MROH2A: variants seen among roughly 807,000 people sequenced by gnomAD.
MROH2A encodes maestro heat like repeat family member 2A, also known as maestro heat-like repeat-containing protein family member 2A.
In MROH2A, 174 loss-of-function variants were observed where a neutral mutation model predicts 200.4. That is an observed-to-expected ratio of 0.87 (90% CI 0.77 to 0.98). The LOEUF is 0.98. Ranked by LOEUF, MROH2A falls within the 50% of genes least tolerant of loss-of-function variation. The probability of loss-of-function intolerance (pLI) is 0.00; values close to 1 mark genes in which losing one functional copy is unlikely to be tolerated. For synonymous variants in MROH2A, 829 were observed against 840.4 expected (o/e 0.99, Z 0.23); for missense variants, 2,045 against 2,139.6 (o/e 0.96, Z 0.87).
At chr2:233,814,195 T>C (rs551280713) in intron 25 of MROH2A, among the ~76,000 whole-genome samples, 1 of 152,252 alleles carries the variant, frequency 6.6e-6, no homozygotes, top group East Asian at 1.9e-4. Context: ...TTGCCCTCCT[T>C]CTATTGGCTG....
rs1281081880 is a variant in MROH2A, at chr2:233,832,685, C to T, written c.4903+41C>T. On this transcript the variant is annotated intron_variant, in intron 41 of 41. Coordinates refer to ENST00000389758, the MANE Select transcript of MROH2A (RefSeq NM_001394639.1). The stretch of plus-strand genomic sequence containing the variant: ...TGTTAGATGTTGAGTCCACGACTCA[C>T]CAACTCACTAGGGGAGCTTAGAGAA... 55 of 1,386,470 alleles carry T rather than the reference C, an allele frequency of 4.0e-5. No individual in the cohort carries two copies. In the East Asian group the frequency reaches 1.3e-3, roughly 34 times the overall value. 85.9% of individuals were successfully genotyped at this position (1,386,470 alleles called of 1,614,324 possible). A position where few individuals can be genotyped will look rare whatever the true frequency, so the allele number is the denominator to read the frequency against.
In MROH2A at chr2:233,793,735, C is replaced by T. The variant is rs532075207; in HGVS notation, c.733C>T (p.Pro245Ser). The T allele has an allele frequency of 2.0e-6, 3 of 1,495,720 alleles. No individual in the cohort carries two copies. Among genetic ancestry groups the T allele is most frequent in the South Asian group, 2.7e-5 (2 of 74,864 alleles). 92.7% of individuals were successfully genotyped at this position (1,495,720 alleles called of 1,614,324 possible). ...GAAGCACCTGGAGGAGAGCGTGTAC[C>T]CCGTGATGACTGAGGAGGAGTTTGC... The part of the protein sequence containing the change: ...YLKHLEESVY[P>S]VMTEEEFALK... Residue 245 changes from proline to serine, a missense_variant, in exon 7 of 42, where the codon CCC becomes TCC. Physicochemically the swap from Pro to Ser is moderately conservative, Grantham distance 74. This residue lies in a region of MROH2A where 831 missense variants were observed against 800.0 expected (regional missense o/e 1.04). Transcript: ENST00000389758.
chr2:233,791,745 C>G (rs1701776557), intron 5 of MROH2A, among the ~76,000 whole-genome samples: 1 of 152,036 alleles, frequency 6.6e-6, no homozygotes, highest in South Asian at 2.1e-4. Flanking sequence ...GGTGCAGGCC[C>G]CCGTGATGCC....
chr2:233,786,694 C>A (rs537065528), intron 3 of MROH2A, among the ~76,000 whole-genome samples: 2 of 152,186 alleles, frequency 1.3e-5, no homozygotes, highest in South Asian at 4.2e-4. Context: ...CAGCAAGGAC[C>A]CAGGTGCCAA....
rs1198283344 is a variant in MROH2A at position 233,823,682 on chromosome 2, G to A, written c.4113+18G>A. On this transcript the variant is annotated intron_variant, in intron 35 of 41. Coordinates refer to ENST00000389758, the MANE Select transcript of MROH2A (RefSeq NM_001394639.1). ...CGGTCTGCGTGGAAATGAGGCACCG[G>A]GTGTGGGCGGGGTGCAAGCGGAGGG... 2.6e-6 allele frequency: 4 copies of A among 1,547,200 alleles called. No homozygotes were observed. The highest frequency in any genetic ancestry group is 1.4e-5 in the African/African-American group (1 of 73,012).
intron 35 of MROH2A, among the ~76,000 whole-genome samples, chr2:233,824,608 C>T (rs1704180777): frequency 6.6e-6 from 1 of 152,262 alleles, no homozygotes; most frequent in Non-Finnish European, 1.5e-5. Context: ...AGCCTCCGCT[C>T]AGTTGCTGAT....
At chr2:233,830,419 T>C in intron 38 of MROH2A, among the ~76,000 whole-genome samples, 1 of 152,022 alleles carries the variant, frequency 6.6e-6, no homozygotes, top group East Asian at 1.9e-4. Context: ...AGGTGGCTGA[T>C]TTGGGGAGGT....
chr2:233,792,739 TTC>T, intron 5 of MROH2A, 55 bp from the exon 6 acceptor site: 1 of 1,136,974 alleles, frequency 8.8e-7, no homozygotes. Context: ...CCTCTCTGCC[TTC>T]TCTCTGCTCA....
chr2:233,802,406 C>A, intron 15 of MROH2A, 91 bp downstream of exon 15: 1 of 1,365,794 alleles, frequency 7.3e-7, no homozygotes, highest in Non-Finnish European at 9.9e-7. Context: ...TTCCTCCCAC[C>A]CTCATTCCCC....
At chr2:233,792,082 T>C (rs1407531904) in intron 5 of MROH2A, among the ~76,000 whole-genome samples, 1 of 152,134 alleles carries the variant, frequency 6.6e-6, no homozygotes, top group Non-Finnish European at 1.5e-5. Context: ...CCTGCTTCTG[T>C]GTTCGCCCAA....
intron 38 of MROH2A, 50 bp from the exon 39 acceptor site, chr2:233,831,359 G>A (rs1378470789): frequency 1.3e-6 from 2 of 1,505,462 alleles, no homozygotes; most frequent in East Asian, 5.1e-5. Context: ...CCCCTCTGGG[G>A]AACCACGTGG....
In MROH2A at chr2:233,829,686, T is replaced by C. The variant is rs772890569; in HGVS notation, c.4513T>C (p.Ser1505Pro). The change falls in exon 38 of 42, where the codon TCC becomes CCC. Residue 1505 changes from serine (S) to proline (P), a missense_variant. Transcript: ENST00000389758. ...FGKLARVVGM[S>P]KKHFFKGEVK... ...AAAGCTGGCAAGGGTGGTCGGGATG[T>C]CCAAGAAGCATTTCTTCAAAGGGGA... 35 of 1,494,642 alleles carry C rather than the reference T, an allele frequency of 2.3e-5. No homozygotes were observed. The African/African-American group carries it at 4.6e-4, about 20-fold the overall frequency. 92.6% of individuals were successfully genotyped at this position (1,494,642 alleles called of 1,614,324 possible). A position where few individuals can be genotyped will look rare whatever the true frequency, so the allele number is the denominator to read the frequency against.
At chr2:233,832,522 G>T in intron 40 of MROH2A, 57 bp from the exon 41 acceptor site, 1 of 1,316,344 alleles carries the variant, frequency 7.6e-7, no homozygotes, top group South Asian at 1.3e-5. Flanking sequence ...ACCACAGGAC[G>T]ACTTGCCTGC....
chr2:233,832,280 G>A lies in MROH2A; in HGVS notation c.4837+1G>A, dbSNP rs1704815594. The stretch of plus-strand genomic sequence containing the variant: ...AGAATCGCTGCTTGCAACTTGGCAG[G>A]TGAGCAGAGAGACGTCTCCTGACTC... On this transcript the variant is annotated splice_donor_variant, in intron 40 of 41. Coordinates refer to ENST00000389758, the MANE Select transcript of MROH2A (RefSeq NM_001394639.1). LOFTEE classifies it high-confidence loss of function. The A allele has an allele frequency of 2.6e-6, 4 of 1,550,392 alleles. No individual in the cohort carries two copies. Among genetic ancestry groups the A allele is most frequent in the East Asian group, 4.9e-5 (2 of 40,926 alleles).
At position 233,818,697 on chromosome 2, in the gene MROH2A, T is replaced by G; in HGVS notation, c.3131T>G (p.Leu1044Arg). The G allele has an allele frequency of 6.5e-7, 1 of 1,550,240 alleles. No homozygotes were observed. Among genetic ancestry groups the G allele is most frequent in the South Asian group, 1.2e-5 (1 of 84,052 alleles). Residue 1044 changes from leucine (L) to arginine (R), a missense_variant, in exon 29 of 42, where the codon CTT becomes CGT. Physicochemically the swap from Leu to Arg is moderately radical, Grantham distance 102 (BLOSUM62 -2). Around this residue, in one of 3 missense-constraint regions of MROH2A, gnomAD observed 1,201 missense variants for 1,311.3 expected, o/e 0.92. Transcript: ENST00000389758. The part of the protein sequence containing the change: ...SLWGPSKQKE[L>R]EKCKGDLQST... The stretch of plus-strand genomic sequence containing the variant: ...TGGGGCCCTTCCAAGCAGAAGGAGC[T>G]TGAGAAATGTAAGGGGGACCTCCAG...
chr2:233,827,613 G>T (rs1275577054), intron 35 of MROH2A, among the ~76,000 whole-genome samples: 5 of 152,116 alleles, frequency 3.3e-5, no homozygotes, highest in Non-Finnish European at 7.4e-5. Context: ...AACAGCTAAT[G>T]CATGCTGGGC....
intron 29 of MROH2A, 56 bp from the exon 30 acceptor site, chr2:233,819,261 G>A (rs1703767315): frequency 2.0e-6 from 3 of 1,505,894 alleles, no homozygotes; most frequent in Non-Finnish European, 2.7e-6. Flanking sequence ...AGGAGAGAGT[G>A]TCAGCAGTCA....
intron 35 of MROH2A, among the ~76,000 whole-genome samples, chr2:233,824,114 C>T (rs946288217): frequency 9.2e-5 from 14 of 151,524 alleles, no homozygotes; most frequent in Admixed American, 3.3e-4. Context: ...GGCCAGAGGC[C>T]GGCCAGTGTT....
Position 233,828,930 on chromosome 2 carries a change from GCC to G in MROH2A, c.4308_4309del (p.Leu1437GlufsTer22). On this transcript the variant is annotated frameshift_variant, in exon 37 of 42. Coordinates refer to ENST00000389758, the MANE Select transcript of MROH2A (RefSeq NM_001394639.1). LOFTEE classifies it high-confidence loss of function. The surrounding 1 kb of genome is among the most constrained non-coding windows in gnomAD (Gnocchi z 4.6). ...AAGGTCTTGCTGGAGAAGTGCCTGG[GCC>G]CCCTGAGGGAGCCCGTGAGCAACAG... The G allele has an allele frequency of 6.4e-7, 1 of 1,550,492 alleles. No homozygotes were observed. The highest frequency in any genetic ancestry group is 1.2e-5 in the South Asian group (1 of 84,052).
Sources: gnomAD v4.1 joint callset for allele counts (sites outside exome capture counted in the v4.1 genomes callset) on GRCh38, gnomAD v4.1.1 for gene constraint, gnomAD v4.1.1 regional missense constraint, Gnocchi (gnomAD v3.1) non-coding constraint, MANE v1.5 for transcripts, NCBI Gene and HGNC (gene_info 2026-07-23, HGNC 2026-07-21) for gene names.